The following TIAM2 variants were observed in gnomAD, a reference collection of about 807,000 sequenced individuals.
TIAM2 encodes the protein TIAM Rac1 associated GEF 2, also known as rho guanine nucleotide exchange factor TIAM2.
In TIAM2, 80 loss-of-function variants were observed where a neutral mutation model predicts 152.9. The ratio of observed to expected loss-of-function variants is 0.52; its 90% confidence interval spans 0.44 to 0.63. TIAM2 has a LOEUF of 0.63. Among genes scored for constraint, TIAM2 ranks in the 30% least tolerant of loss-of-function variants. TIAM2 has a pLI of 0.00. For synonymous variants in TIAM2, 804 were observed against 838.0 expected, an observed-to-expected ratio of 0.96 and a Z score of 0.70; for missense variants, 1,965 against 2,120.1, an observed-to-expected ratio of 0.93 and a Z score of 1.44.
rs117955153 is a variant in TIAM2 at position 155,055,463 on chromosome 6, A to G, written c.-208-34826A>G. Among the ~76,000 whole-genome samples the G allele has an allele frequency of 1.6e-3, 244 of 152,312 alleles. 1 individual carries two copies. Among genetic ancestry groups the G allele is most frequent in the Middle Eastern group, 3.4e-3 (1 of 294 alleles). ...TTATGTCTTCAGTCACTAAAACAAAATCATTAAAATATTGACTTCTTGGTA... is the reference window on the plus strand; with the variant it reads ...TTATGTCTTCAGTCACTAAAACAAAGTCATTAAAATATTGACTTCTTGGTA... On this transcript the variant is annotated intron_variant, in intron 1 of 26. Coordinates refer to ENST00000682666, the MANE Select transcript of TIAM2 (RefSeq NM_012454.4).
chr6:155,256,317 A>ATGT (rs1350278197), intron 26 of TIAM2, 167 bp from the exon 27 acceptor site: 12 of 991,380 alleles, frequency 1.2e-5, no homozygotes, highest in Non-Finnish European at 1.6e-5. Context: ...AAAAATGTCC[A>ATGT]TGTTTTCAGT....
intron 1 of TIAM2, among the ~76,000 whole-genome samples, chr6:154,998,853 T>C (rs939267001): frequency 2.0e-4 from 31 of 152,208 alleles, no homozygotes; most frequent in African/African-American, 7.0e-4. Flanking sequence ...CAAGTACCTA[T>C]AAGAACAGCC....
At chr6:155,020,190 G>A (rs906358723) in intron 1 of TIAM2, among the ~76,000 whole-genome samples, 40 of 152,302 alleles carry the variant, frequency 2.6e-4, no homozygotes, top group Admixed American at 5.2e-4. Flanking sequence ...ATGCTTTCCA[G>A]AGTGGGAGTG....
chr6:155,225,905 A>G (rs1249883470), intron 15 of TIAM2, among the ~76,000 whole-genome samples: 1 of 152,216 alleles, frequency 6.6e-6, no homozygotes, highest in African/African-American at 2.4e-5. Flanking sequence ...CCATAATTAA[A>G]GGGGCACACA....
chr6:155,253,019 C>T lies in TIAM2; in HGVS notation c.4191C>T (p.Ile1397=), dbSNP rs1484121939. 2.5e-6 allele frequency: 4 copies of T among 1,614,092 alleles called. No homozygotes were observed. In the African/African-American group the frequency reaches 4.0e-5, roughly 16 times the overall value. ...TTAAATTCCGCTGGTTGATCCCCAT[C>T]TCCGCGCTTCAAGTCAGACTGGGGA... ...DPFKFRWLIP[I]SALQVRLGNP... Residue 1397 remains isoleucine, a synonymous_variant, in exon 24 of 27, where the codon ATC becomes ATT. Transcript: ENST00000682666.
intron 3 of TIAM2, among the ~76,000 whole-genome samples, chr6:155,128,478 T>C (rs1203039358): frequency 6.6e-6 from 1 of 152,144 alleles, no homozygotes; most frequent in Non-Finnish European, 1.5e-5. Context: ...GTAGTTTATG[T>C]ATAATGAAAA....
At chr6:155,236,861 T>C (rs1782788215) in intron 15 of TIAM2, among the ~76,000 whole-genome samples, 1 of 152,150 alleles carries the variant, frequency 6.6e-6, no homozygotes, top group Non-Finnish European at 1.5e-5. Context: ...ATGAGAATTA[T>C]TTATGGGAGC....
In TIAM2 at chr6:155,244,212, C is replaced by T. The variant is rs1001595256; in HGVS notation, c.3417+133C>T. 1.9e-5 allele frequency: 16 copies of T among 857,682 alleles called. No individual in the cohort carries two copies. The East Asian group carries it at 3.0e-4, about 16-fold the overall frequency. 53.1% of individuals were successfully genotyped at this position (857,682 alleles called of 1,614,324 possible). On this transcript the variant is annotated intron_variant, in intron 17 of 26. Transcript: ENST00000682666. ...CAAGACTTAACGGTCTTCTGAGAGT[C>T]CCAGGCATAGCCTCCTCCTAAACCA...
chr6:155,046,617 G>T (rs1421640038), intron 1 of TIAM2, among the ~76,000 whole-genome samples: 1 of 152,156 alleles, frequency 6.6e-6, no homozygotes, highest in Non-Finnish European at 1.5e-5. Context: ...TTACAGGCAT[G>T]AGCTACCATG....
At chr6:155,066,393 G>A (rs1261775609) in intron 1 of TIAM2, among the ~76,000 whole-genome samples, 1 of 152,178 alleles carries the variant, frequency 6.6e-6, no homozygotes, top group Non-Finnish European at 1.5e-5. Flanking sequence ...GTGAAGTCCT[G>A]GAGCGTGGAC....
At chr6:155,236,019 T>C (rs557381924) in intron 15 of TIAM2, among the ~76,000 whole-genome samples, 5 of 152,240 alleles carry the variant, frequency 3.3e-5, no homozygotes, top group East Asian at 1.9e-4. Flanking sequence ...CCCTGGGAAC[T>C]GTTAGTTTTC....
intron 1 of TIAM2, among the ~76,000 whole-genome samples, chr6:155,054,314 G>A (rs1239758371): frequency 6.6e-6 from 1 of 152,194 alleles, no homozygotes; most frequent in Non-Finnish European, 1.5e-5. Flanking sequence ...TGACAGCCAT[G>A]CTCTGGTTGG....
chr6:155,187,496 A>T (rs1781067813), intron 14 of TIAM2, among the ~76,000 whole-genome samples: 2 of 148,186 alleles, frequency 1.3e-5, no homozygotes, highest in Admixed American at 1.3e-4. Context: ...GAAAATGCAG[A>T]TTCCAGGGTT....
chr6:155,200,911 A>G (rs1562351793), intron 14 of TIAM2, among the ~76,000 whole-genome samples: 1 of 152,126 alleles, frequency 6.6e-6, no homozygotes. Flanking sequence ...CAAAAATAAA[A>G]TAAAATAAAT....
chr6:155,099,116 G>A (rs1158897641), intron 2 of TIAM2, among the ~76,000 whole-genome samples: 1 of 127,826 alleles, frequency 7.8e-6, no homozygotes, highest in Non-Finnish European at 1.8e-5. Flanking sequence ...GAACCCGGGA[G>A]TCAGAGGTTG....
Position 155,240,651 on chromosome 6 carries a change from C to T in TIAM2, c.3290C>T (p.Ala1097Val). 1 of 1,613,954 alleles carries T rather than the reference C, an allele frequency of 6.2e-7. No homozygotes were observed. The highest frequency in any genetic ancestry group is 2.2e-5 in the East Asian group (1 of 44,888). Reference protein sequence around the residue: ...PRSLARHLSDADRLRKVIQEL... With the variant: ...PRSLARHLSDVDRLRKVIQEL... ...TCTCTGGCCCGCCACCTGTCTGATGCAGACCGCCTCCGCAAAGTCATCCAG... is the reference window on the plus strand; with the variant it reads ...TCTCTGGCCCGCCACCTGTCTGATGTAGACCGCCTCCGCAAAGTCATCCAG... Residue 1097 changes from alanine (A) to valine (V), a missense_variant, in exon 16 of 27, where the codon GCA becomes GTA. Ala to Val is a moderately conservative substitution (Grantham distance 64). Coordinates refer to ENST00000682666, the MANE Select transcript of TIAM2 (RefSeq NM_012454.4).
At chr6:155,233,971 A>G (rs554480827) in intron 15 of TIAM2, among the ~76,000 whole-genome samples, 1 of 145,076 alleles carries the variant, frequency 6.9e-6, no homozygotes, top group African/African-American at 2.6e-5. Context: ...TCAAAAAAAC[A>G]AAACAAAAAC....
chr6:155,204,387 G>A (rs1012562538), intron 14 of TIAM2, among the ~76,000 whole-genome samples: 1 of 152,048 alleles, frequency 6.6e-6, no homozygotes, highest in Non-Finnish European at 1.5e-5. Flanking sequence ...AAGGCCTGTA[G>A]AGCCAGTGGC....
At chr6:155,138,294 A>C (rs1321315805) in intron 5 of TIAM2, among the ~76,000 whole-genome samples, 1 of 152,216 alleles carries the variant, frequency 6.6e-6, no homozygotes, top group East Asian at 1.9e-4. Context: ...TGAATTTCAC[A>C]TTCCGTACAT....
Sources: gnomAD v4.1 joint callset for allele counts (sites outside exome capture counted in the v4.1 genomes callset) on GRCh38, gnomAD v4.1.1 for gene constraint, MANE v1.5 for transcripts, NCBI Gene and HGNC (gene_info 2026-07-23, HGNC 2026-07-21) for gene names.